The following PUM2 variants were observed in gnomAD, a reference collection of about 807,000 sequenced individuals.
PUM2 encodes pumilio RNA binding family member 2, also known as pumilio homolog 2.
PUM2 carries 57 observed loss-of-function variants against 124.5 expected under a neutral mutation model. That is an observed-to-expected ratio of 0.46 (90% CI 0.37 to 0.57). The LOEUF (loss-of-function observed/expected upper bound fraction) is 0.57, where lower values mean the gene tolerates loss of function less well. Ranked by LOEUF, PUM2 falls within the 20% of genes least tolerant of loss-of-function variation. The pLI is 0.00. For synonymous variants in PUM2, 460 were observed against 446.1 expected, an observed-to-expected ratio of 1.03 and a Z score of -0.39; for missense variants, 1,065 against 1,290.6, an observed-to-expected ratio of 0.83 and a Z score of 2.68.
rs776554606 is a variant in PUM2, at chr2:20,318,623, C to T, written c.74G>A (p.Trp25Ter). 1 of 1,612,952 alleles carries T rather than the reference C, an allele frequency of 6.2e-7. No homozygotes were observed. The highest frequency in any genetic ancestry group is 2.2e-5 in the East Asian group (1 of 44,856). Reference sequence around the variant, plus strand: ...ATCTTTTGTTGAATCATCAGGTTCCCAAAACTTTTTGGTAGGCAAAAGCTA... The same window carrying T: ...ATCTTTTGTTGAATCATCAGGTTCCTAAAACTTTTTGGTAGGCAAAAGCTA... Reference protein sequence around the residue: ...MGELLPTKKFWEPDDSTKDGQ... With the variant: ...MGELLPTKKF Residue 25 changes from tryptophan to a stop codon, truncating the protein, a stop_gained, in exon 3 of 21, where the codon TGG (tryptophan) becomes TAG (stop). Transcript: ENST00000361078. LOFTEE classifies it high-confidence loss of function.
chr2:20,339,083 C>A (rs1471018345), intron 1 of PUM2, among the ~76,000 whole-genome samples: 10 of 151,948 alleles, frequency 6.6e-5, no homozygotes, highest in African/African-American at 2.4e-4. Flanking sequence ...TAATAATATG[C>A]CACATCTAAG....
At chr2:20,307,045 G>A (rs1055865448) in intron 7 of PUM2, among the ~76,000 whole-genome samples, 7 of 151,856 alleles carry the variant, frequency 4.6e-5, no homozygotes, top group Admixed American at 4.6e-4. Flanking sequence ...TAAAACCCCC[G>A]TCTCTACTAA....
At chr2:20,294,281 G>A in intron 9 of PUM2, 95 bp downstream of exon 9, 1 of 1,406,392 alleles carries the variant, frequency 7.1e-7, no homozygotes, top group Non-Finnish European at 9.7e-7. Context: ...GTTACACAGT[G>A]AGGAAACGTA....
At chr2:20,271,028 T>C (rs1438018387) in intron 13 of PUM2, among the ~76,000 whole-genome samples, 3 of 152,186 alleles carry the variant, frequency 2.0e-5, no homozygotes, top group Non-Finnish European at 4.4e-5. Context: ...ACAATCATTA[T>C]ATTGTAACTG....
intron 1 of PUM2, among the ~76,000 whole-genome samples, chr2:20,330,775 A>G (rs1389141915): frequency 6.6e-6 from 1 of 152,240 alleles, no homozygotes; most frequent in East Asian, 1.9e-4. Flanking sequence ...GGTCAGTGAG[A>G]AGTCTATGTG....
intron 13 of PUM2, among the ~76,000 whole-genome samples, chr2:20,272,242 G>A (rs1322224758): frequency 6.6e-6 from 1 of 151,868 alleles, no homozygotes; most frequent in East Asian, 1.9e-4. Flanking sequence ...ACAACATCTG[G>A]AAGAAGCCAG....
chr2:20,348,804 C>A (rs1688748731), intron 1 of PUM2, among the ~76,000 whole-genome samples: 1 of 151,498 alleles, frequency 6.6e-6, no homozygotes, highest in Non-Finnish European at 1.5e-5. Flanking sequence ...GCGCCTGTAC[C>A]CCCAGCTACA....
At chr2:20,286,202 G>T (rs1254223100) in intron 10 of PUM2, among the ~76,000 whole-genome samples, 1 of 152,184 alleles carries the variant, frequency 6.6e-6, no homozygotes, top group Non-Finnish European at 1.5e-5. Flanking sequence ...CTCCATAGGG[G>T]AGAAAAGAGG....
In PUM2 at chr2:20,258,316, A is replaced by G; in HGVS notation, c.2411T>C (p.Leu804Pro). Reference sequence around the variant, plus strand: ...GCCATACATCTGCAAGGCTAAGGGTAGAACATGACCACGAATACGAGTAGC... The same window carrying G: ...GCCATACATCTGCAAGGCTAAGGGTGGAACATGACCACGAATACGAGTAGC... ...ALATRIRGHV[L>P]PLALQMYGCR... The change falls in exon 16 of 21, where the codon CTA becomes CCA. Residue 804 changes from leucine to proline, a missense_variant. Around this residue, in one of 3 missense-constraint regions of PUM2, gnomAD observed 968 missense variants for 1,159.8 expected, o/e 0.83. Transcript: ENST00000361078. 1 of 1,612,610 alleles carries G rather than the reference A, an allele frequency of 6.2e-7. No individual in the cohort carries two copies. The highest frequency in any genetic ancestry group is 8.5e-7 in the Non-Finnish European group (1 of 1,178,912).
intron 1 of PUM2, among the ~76,000 whole-genome samples, chr2:20,339,127 C>G (rs1037799610): frequency 6.6e-6 from 1 of 151,236 alleles, no homozygotes. Flanking sequence ...TAGCTTATTT[C>G]AAAAAAAATG....
intron 1 of PUM2, among the ~76,000 whole-genome samples, chr2:20,348,102 T>C (rs1340796024): frequency 1.3e-5 from 2 of 151,990 alleles, no homozygotes; most frequent in African/African-American, 4.8e-5. Context: ...GCGGGAGAAC[T>C]GCTTGAGCCC....
intron 1 of PUM2, among the ~76,000 whole-genome samples, chr2:20,330,431 C>G (rs568845649): frequency 1.3e-5 from 2 of 152,092 alleles, no homozygotes; most frequent in Non-Finnish European, 2.9e-5. Context: ...TTCAGTTCCC[C>G]CTCCTGCTTC....
At chr2:20,339,974 G>C (rs1488586984) in intron 1 of PUM2, among the ~76,000 whole-genome samples, 1 of 148,766 alleles carries the variant, frequency 6.7e-6, no homozygotes, top group Non-Finnish European at 1.5e-5. Context: ...TCCTACTCTT[G>C]ATAAATTCCT....
intron 14 of PUM2, among the ~76,000 whole-genome samples, chr2:20,261,572 G>C (rs1411920434): frequency 6.7e-6 from 1 of 150,094 alleles, no homozygotes; most frequent in Non-Finnish European, 1.5e-5. Flanking sequence ...GTAGATTTCA[G>C]AAGGTATTCC....
intron 5 of PUM2, 23 bp downstream of exon 5, chr2:20,311,471 T>C (rs1384741516): frequency 1.3e-6 from 2 of 1,589,724 alleles, no homozygotes; most frequent in Non-Finnish European, 1.7e-6. Context: ...ACGCTTTTCT[T>C]CTTGAGAAAG....
At chr2:20,264,384 ATATATATATATATT>A (rs2148602928) in intron 13 of PUM2, among the ~76,000 whole-genome samples, 1 of 126,710 alleles carries the variant, frequency 7.9e-6, no homozygotes, top group African/African-American at 3.0e-5. Context: ...ATATATATAT[ATATATATATATATT>A]TGACATAAAT....
chr2:20,284,136 A>C (rs1672176696), intron 10 of PUM2, among the ~76,000 whole-genome samples: 1 of 152,218 alleles, frequency 6.6e-6, no homozygotes, highest in Non-Finnish European at 1.5e-5. Flanking sequence ...AACACAGAAA[A>C]TGATTTAAGT....
intron 10 of PUM2, among the ~76,000 whole-genome samples, chr2:20,287,462 T>C (rs1443189485): frequency 1.3e-5 from 2 of 152,158 alleles, no homozygotes; most frequent in African/African-American, 4.8e-5. Context: ...AAGAACTATA[T>C]ACACCAATTT....
intron 1 of PUM2, among the ~76,000 whole-genome samples, chr2:20,346,631 T>G (rs1482955033): frequency 2.0e-5 from 3 of 152,242 alleles, no homozygotes; most frequent in African/African-American, 7.2e-5. Context: ...AGATGGCTAC[T>G]ACAATAAGAT....
Sources: gnomAD v4.1 joint callset for allele counts (sites outside exome capture counted in the v4.1 genomes callset) on GRCh38, gnomAD v4.1.1 for gene constraint, gnomAD v4.1.1 regional missense constraint, MANE v1.5 for transcripts, NCBI Gene and HGNC (gene_info 2026-07-23, HGNC 2026-07-21) for gene names.